MANBA: variants seen among roughly 807,000 people sequenced by gnomAD.
MANBA encodes the protein mannosidase beta, also known as beta-mannosidase.
A neutral mutation model predicts 111.1 loss-of-function variants in MANBA; 83 were observed. The observed-to-expected ratio is 0.75, with a 90% confidence interval of 0.63 to 0.90. MANBA has a LOEUF of 0.90. MANBA is among the 40% of genes least tolerant of loss of function. The pLI, the probability that MANBA is intolerant of heterozygous loss-of-function variation, is 0.00. For missense variants in MANBA, 1,036 were observed against 1,069.0 expected (o/e 0.97, Z 0.43); for synonymous variants, 370 against 378.7 (o/e 0.98, Z 0.27).
In MANBA at chr4:102,657,960, A is replaced by G. The variant is rs1463578379; in HGVS notation, c.1486-60T>C. On this transcript the variant is annotated intron_variant, in intron 11 of 16. Transcript: ENST00000647097. ...ATATTCATCCTGTAAAGTATGTATC[A>G]TTTACTTCTTTAAAAATACTAACAA... is the stretch of plus-strand genomic sequence containing the variant. The G allele has an allele frequency of 3.2e-6, 4 of 1,248,174 alleles. No homozygotes were observed. The East Asian group carries it at 7.0e-5, about 22-fold the overall frequency. 77.3% of individuals were successfully genotyped at this position (1,248,174 alleles called of 1,614,324 possible). A position where few individuals can be genotyped will look rare whatever the true frequency, so the allele number is the denominator to read the frequency against.
chr4:102,728,927 G>A, intron 1 of MANBA: 4 of 756,204 alleles, frequency 5.3e-6, no homozygotes, highest in Non-Finnish European at 9.5e-6. Context: ...ATAACCACTG[G>A]TGGTCTTTGT....
intron 12 of MANBA, among the ~76,000 whole-genome samples, chr4:102,652,805 T>C (rs1263371577): frequency 6.6e-6 from 1 of 152,000 alleles, no homozygotes; most frequent in African/African-American, 2.4e-5. Flanking sequence ...TAAAGTGGGA[T>C]GATTGCTTGA....
Position 102,671,282 on chromosome 4 carries a change from A to G in MANBA, c.1229T>C (p.Met410Thr), listed in dbSNP as rs1458935144. ...FYELCDELGIMVWQDFMFACA... is the reference protein window; with the variant it reads ...FYELCDELGITVWQDFMFACA... ...TATAAAATGCTATCAACTTCTCACC[A>G]TTATTCCTAGTTCATCACAGAGTTC... The change falls in exon 9 of 17, where the codon ATG becomes ACG. Residue 410 changes from methionine (M) to threonine (T), a missense_variant and splice_region_variant. By Grantham distance (81) the Met-to-Thr change is moderately conservative. Coordinates refer to ENST00000647097, the MANE Select transcript of MANBA (RefSeq NM_005908.4). The G allele has an allele frequency of 6.5e-7, 1 of 1,537,570 alleles. No homozygotes were observed. Among genetic ancestry groups the G allele is most frequent in the Admixed American group, 1.7e-5 (1 of 59,902 alleles).
intron 11 of MANBA, among the ~76,000 whole-genome samples, chr4:102,663,922 T>C (rs189163445): frequency 3.9e-5 from 6 of 152,334 alleles, no homozygotes; most frequent in Non-Finnish European, 5.9e-5. Flanking sequence ...AGAACCACTA[T>C]AGAGCAAGGG....
intron 1 of MANBA, chr4:102,730,142 G>T: frequency 8.3e-7 from 1 of 1,200,624 alleles, no homozygotes; most frequent in Non-Finnish European, 1.2e-6. Context: ...TGGACACCTT[G>T]TAGGACTTCT....
intron 1 of MANBA, chr4:102,728,495 A>G (rs1440447105): frequency 1.6e-5 from 6 of 381,432 alleles, no homozygotes; most frequent in Admixed American, 3.7e-5. Flanking sequence ...CACATTTGAA[A>G]AAAACAGGTA....
chr4:102,733,026 C>T (rs1723085697), intron 1 of MANBA, among the ~76,000 whole-genome samples: 1 of 152,180 alleles, frequency 6.6e-6, no homozygotes, highest in African/African-American at 2.4e-5. Flanking sequence ...TTCAAGAGGG[C>T]AATCTTCCCA....
intron 7 of MANBA, among the ~76,000 whole-genome samples, chr4:102,683,472 T>C (rs1326946404): frequency 6.6e-6 from 1 of 152,212 alleles, no homozygotes; most frequent in African/African-American, 2.4e-5. Context: ...TATCAACTAA[T>C]TGGTTTCCTG....
At chr4:102,701,950 A>C (rs958528768) in intron 5 of MANBA, among the ~76,000 whole-genome samples, 6 of 151,972 alleles carry the variant, frequency 3.9e-5, no homozygotes, top group African/African-American at 1.5e-4. Context: ...TATCCTGCAG[A>C]GTGTTTTCCA....
chr4:102,635,704 T>A (rs3733202), intron 15 of MANBA, among the ~76,000 whole-genome samples, 161 bp downstream of exon 15: 1 of 152,002 alleles, frequency 6.6e-6, no homozygotes, highest in Non-Finnish European at 1.5e-5. Flanking sequence ...TGAAGGGTTT[T>A]GCTTATGGTC....
rs1218745094 is a variant in MANBA, at chr4:102,677,457, A to G, written c.961-3387T>C. 2.6e-5 allele frequency among the ~76,000 whole-genome samples: 4 copies of G among 152,210 alleles called. No individual in the cohort carries two copies. The East Asian group carries it at 7.7e-4, about 29-fold the overall frequency. ...TTTGGAAGATCTGTAACTCTCAAGA[A>G]ACAAACATTTTCCAATAACCAATGC... On this transcript the variant is annotated intron_variant, in intron 7 of 16. Coordinates refer to ENST00000647097, the MANE Select transcript of MANBA (RefSeq NM_005908.4).
In MANBA at chr4:102,760,844, G is replaced by T. The variant is rs1316924248; in HGVS notation, c.51C>A (p.Thr17=). The T allele has an allele frequency of 1.3e-6, 2 of 1,571,016 alleles. No homozygotes were observed. Among genetic ancestry groups the T allele is most frequent in the South Asian group, 1.2e-5 (1 of 85,728 alleles). Reference sequence around the variant, plus strand: ...GCAAGCTGTAACTGAGCTCCGCGGCGGTGGTGCCTGCACCGCACAGCGCGA... The same window carrying T: ...GCAAGCTGTAACTGAGCTCCGCGGCTGTGGTGCCTGCACCGCACAGCGCGA... The part of the protein sequence containing the change: ...LLLALCGAGT[T]AAELSYSLRG... The change falls in exon 1 of 17, where the codon ACC becomes ACA. Residue 17 remains threonine (T), a synonymous_variant. Coordinates refer to ENST00000647097, the MANE Select transcript of MANBA (RefSeq NM_005908.4).
chr4:102,739,268 C>G (rs1019923095), intron 1 of MANBA, among the ~76,000 whole-genome samples: 5 of 152,150 alleles, frequency 3.3e-5, no homozygotes, highest in African/African-American at 1.2e-4. Flanking sequence ...AATAGAAACT[C>G]TCAACAGACC....
chr4:102,661,000 T>C (rs886143915), intron 11 of MANBA, among the ~76,000 whole-genome samples: 7 of 152,108 alleles, frequency 4.6e-5, no homozygotes, highest in Admixed American at 3.9e-4. Context: ...CATAATATGA[T>C]TTAAAGTCCC....
At chr4:102,636,973 C>T (rs1729660246) in intron 14 of MANBA, among the ~76,000 whole-genome samples, 1 of 152,078 alleles carries the variant, frequency 6.6e-6, no homozygotes. Flanking sequence ...CTTTCCTATG[C>T]TGTTCTTGTG....
chr4:102,757,754 T>C (rs548042520), intron 1 of MANBA, among the ~76,000 whole-genome samples: 44 of 152,284 alleles, frequency 2.9e-4, no homozygotes, highest in African/African-American at 1.0e-3. Flanking sequence ...CAGAGTGACC[T>C]TTAAAAAGGC....
intron 11 of MANBA, chr4:102,662,575 T>C (rs1371586119): frequency 1.3e-5 from 2 of 148,508 alleles, no homozygotes; most frequent in Admixed American, 1.3e-4. Context: ...AAAAAAAAGT[T>C]ACTGTGAACC....
intron 13 of MANBA, among the ~76,000 whole-genome samples, chr4:102,640,942 T>A (rs1729853081): frequency 6.6e-6 from 1 of 152,204 alleles, no homozygotes; most frequent in South Asian, 2.1e-4. Context: ...ATATGTTACA[T>A]ACTGAGAATG....
chr4:102,694,155 C>T (rs1006488927), intron 5 of MANBA, among the ~76,000 whole-genome samples: 6 of 152,080 alleles, frequency 3.9e-5, no homozygotes, highest in African/African-American at 1.2e-4. Context: ...CGAGCAAGTC[C>T]GCACTCCTCC....
Sources: gnomAD v4.1 joint callset for allele counts (sites outside exome capture counted in the v4.1 genomes callset) on GRCh38, gnomAD v4.1.1 for gene constraint, MANE v1.5 for transcripts, NCBI Gene and HGNC (gene_info 2026-07-23, HGNC 2026-07-21) for gene names.